RSAD2: variants seen among roughly 807,000 people sequenced by gnomAD.
RSAD2 encodes S-adenosylmethionine-dependent nucleotide dehydratase RSAD2.
Under a neutral mutation model 37.7 loss-of-function variants are expected in RSAD2, and 38 were observed. The observed-to-expected ratio is 1.01, with a 90% CI of 0.78 to 1.32. The LOEUF (loss-of-function observed/expected upper bound fraction) is 1.32, where lower values mean the gene tolerates loss of function less well. Among genes scored for constraint, RSAD2 ranks in the 40% most tolerant of loss-of-function variants. The pLI is 0.00. For synonymous variants in RSAD2, 163 were observed against 157.4 expected (o/e 1.04, Z -0.27); for missense variants, 428 against 437.5 (o/e 0.98, Z 0.19).
chr2:6,878,146 G>GGTGA lies in RSAD2; in HGVS notation c.346+3_346+6dup. 1 of 1,611,802 alleles carries GGTGA rather than the reference G, an allele frequency of 6.2e-7. No individual in the cohort carries two copies. Among genetic ancestry groups the GGTGA allele is most frequent in the Non-Finnish European group, 8.5e-7 (1 of 1,178,840 alleles). On this transcript the variant is annotated frameshift_variant and splice_region_variant. Transcript: ENST00000382040. LOFTEE classifies it high-confidence loss of function. Reference sequence around the variant, plus strand: ...AGGATTGCTTTTGCTTAAGGAAGCTGGTGAGTACATGGTCCTAGACAGAAA... The same window carrying GGTGA: ...AGGATTGCTTTTGCTTAAGGAAGCTGGTGAGTGAGTACATGGTCCTAGACAGAAA...
Position 6,893,663 on chromosome 2 carries a change from C to T in RSAD2, c.889-8C>T, listed in dbSNP as rs1663675980. Reference sequence around the variant, plus strand: ...GAAACTAAATTTGTATTAACTTCTCCTTTGCAGATGAAAGACTCCTACCTT... The same window carrying T: ...GAAACTAAATTTGTATTAACTTCTCTTTTGCAGATGAAAGACTCCTACCTT... On this transcript the variant is annotated splice_polypyrimidine_tract_variant and splice_region_variant and intron_variant, in intron 4 of 5. Coordinates refer to ENST00000382040, the MANE Select transcript of RSAD2 (RefSeq NM_080657.5). The T allele has an allele frequency of 1.9e-6, 3 of 1,605,598 alleles. No individual in the cohort carries two copies. The highest frequency in any genetic ancestry group is 2.2e-5 in the South Asian group (2 of 90,818).
chr2:6,873,570 T>C (rs1324529911), upstream of RSAD2, among the ~76,000 whole-genome samples: 1 of 152,212 alleles, frequency 6.6e-6, no homozygotes, highest in Non-Finnish European at 1.5e-5. Context: ...ATTAGGCTTT[T>C]GATTACTTGG....
rs1319578363 is a variant in RSAD2 at position 6,878,025 on chromosome 2, C to G, written c.225C>G (p.Val75=). ...DPPLPTTPTS[V]NYHFTRQCNY... is the part of the protein sequence containing the mutation. The stretch of plus-strand genomic sequence containing the variant: ...CTCTGCCCACCACCCCAACCAGCGT[C>G]AACTATCACTTCACTCGCCAGTGCA... Residue 75 remains valine, a synonymous_variant, in exon 1 of 6, where the codon GTC becomes GTG. Transcript: ENST00000382040. The G allele has an allele frequency of 1.2e-6, 2 of 1,614,078 alleles. No homozygotes were observed. Among genetic ancestry groups the G allele is most frequent in the African/African-American group, 2.7e-5 (2 of 74,932 alleles).
intron 1 of RSAD2, among the ~76,000 whole-genome samples, chr2:6,869,456 G>A (rs1200529192): frequency 6.6e-6 from 1 of 152,148 alleles, no homozygotes; most frequent in Non-Finnish European, 1.5e-5. Flanking sequence ...TTTTATGCAT[G>A]TAAATACACA....
intron 1 of RSAD2, among the ~76,000 whole-genome samples, chr2:6,867,168 GAT>G (rs1204648198): frequency 6.6e-6 from 1 of 152,120 alleles, no homozygotes; most frequent in Non-Finnish European, 1.5e-5. Flanking sequence ...CACCTCTCTG[GAT>G]GTATTAGTCT....
At chr2:6,893,782 A>G (rs1382554408) in intron 5 of RSAD2, 79 bp downstream of exon 5, 8 of 965,222 alleles carry the variant, frequency 8.3e-6, no homozygotes, top group African/African-American at 3.2e-5. Flanking sequence ...TTCCATGAGC[A>G]TAACTATCTA....
intron 1 of RSAD2, among the ~76,000 whole-genome samples, chr2:6,880,259 A>G (rs990116765): frequency 1.3e-5 from 2 of 152,226 alleles, no homozygotes; most frequent in African/African-American, 4.8e-5. Flanking sequence ...TCCACAGTCA[A>G]GGACAGGTTT....
Position 6,896,437 on chromosome 2 carries a change from A to G in RSAD2, c.*495A>G, listed in dbSNP as rs1209119245. The G allele has an allele frequency of 1.3e-5, 2 of 152,258 alleles. No individual in the cohort carries two copies. Among genetic ancestry groups the G allele is most frequent in the Admixed American group, 6.5e-5 (1 of 15,278 alleles). 9.4% of individuals were successfully genotyped at this position (152,258 alleles called of 1,614,324 possible). A position where few individuals can be genotyped will look rare whatever the true frequency, so the allele number is the denominator to read the frequency against. On this transcript the variant is annotated 3_prime_UTR_variant, in exon 6 of 6. Transcript: ENST00000382040. ...CTTGTTCCAGGTTTGTTCATTTGACAGAGTCAGTATTTTTTGCCAAATATC... is the reference window on the plus strand; with the variant it reads ...CTTGTTCCAGGTTTGTTCATTTGACGGAGTCAGTATTTTTTGCCAAATATC...
chr2:6,874,139 A>G (rs1240821988), upstream of RSAD2, among the ~76,000 whole-genome samples: 9 of 152,068 alleles, frequency 5.9e-5, no homozygotes, highest in African/African-American at 2.2e-4. Flanking sequence ...CTGCCCCAGC[A>G]TCTTTCTCTC....
chr2:6,883,282 T>C, intron 1 of RSAD2, 89 bp from the exon 2 acceptor site: 1 of 1,429,216 alleles, frequency 7.0e-7, no homozygotes. Flanking sequence ...TTTTATTTCT[T>C]TTTTTTACAT....
At chr2:6,883,268 A>G in intron 1 of RSAD2, 103 bp from the exon 2 acceptor site, 1 of 1,316,384 alleles carries the variant, frequency 7.6e-7, no homozygotes, top group Non-Finnish European at 1.0e-6. Context: ...AATTAATGAG[A>G]AAGTTTTATT....
At chr2:6,868,051 G>C (rs1301915617) in intron 1 of RSAD2, among the ~76,000 whole-genome samples, 1 of 152,152 alleles carries the variant, frequency 6.6e-6, no homozygotes, top group Non-Finnish European at 1.5e-5. Context: ...AGGTGGAAAG[G>C]AGAGAAGCTG....
chr2:6,885,622 A>G, intron 2 of RSAD2, among the ~76,000 whole-genome samples: 1 of 152,226 alleles, frequency 6.6e-6, no homozygotes. Context: ...GAGCTTTGGC[A>G]AGGAAAAGCT....
chr2:6,883,324 T>G (rs1248724334), intron 1 of RSAD2, 47 bp from the exon 2 acceptor site: 1 of 1,551,192 alleles, frequency 6.4e-7, no homozygotes, highest in Non-Finnish European at 8.8e-7. Context: ...ATTAAAATAA[T>G]AATGTATATT....
At chr2:6,866,375 C>T (rs1362866122) in intron 1 of RSAD2, 2 of 916,094 alleles carry the variant, frequency 2.2e-6, no homozygotes, top group Non-Finnish European at 2.6e-6. Flanking sequence ...TATCTTATCT[C>T]ACCTGTGCAC....
chr2:6,866,430 G>A lies in RSAD2; in HGVS notation c.142+385G>A, dbSNP rs912720921. On this transcript the variant is annotated intron_variant, in intron 1 of 5. Coordinates refer to the RSAD2 transcript ENST00000442639. ...CTCACCTTTGCACACACTCACCTGT[G>A]CACAAGCTTTTCCCTCTTCTTGGAA... 26 of 985,424 alleles carry A rather than the reference G, an allele frequency of 2.6e-5. No individual in the cohort carries two copies. In the African/African-American group the frequency reaches 4.5e-4, roughly 17 times the overall value. 61.0% of individuals were successfully genotyped at this position (985,424 alleles called of 1,614,324 possible).
rs1663371386 is a variant in RSAD2, at chr2:6,880,217, TAAAG to T, written c.346+2077_346+2080del. Among the ~76,000 whole-genome samples, 3 of 152,152 alleles carry T rather than the reference TAAAG, an allele frequency of 2.0e-5. No homozygotes were observed. The South Asian group carries it at 6.2e-4, about 32-fold the overall frequency. On this transcript the variant is annotated intron_variant, in intron 1 of 5. Transcript: ENST00000382040. ...AAACTATTTTTTTGGTTGTAAGAAT[TAAAG>T]AAAGAGGAAAGAAACACAAAAGGTG...
Position 6,865,909 on chromosome 2 carries a change from C to A in RSAD2, c.6C>A (p.Cys2Ter). ...CCTCTCCTCCTCGCCGCGAGATGTGCGCGATAAACGGCCGGCGCTCGGGAG... is the reference window on the plus strand; with the variant it reads ...CCTCTCCTCCTCGCCGCGAGATGTGAGCGATAAACGGCCGGCGCTCGGGAG... The change falls in exon 1 of 6, where the codon TGC (cysteine) becomes TGA (stop). Residue 2 changes from cysteine (C) to a stop codon, truncating the protein, a stop_gained. Transcript: ENST00000442639. LOFTEE classifies it high-confidence loss of function. 7.1e-7 allele frequency: 1 copy of A among 1,410,366 alleles called. No homozygotes were observed. Among genetic ancestry groups the A allele is most frequent in the Non-Finnish European group, 9.3e-7 (1 of 1,080,572 alleles). The allele number at this position is 1,410,366 out of a possible 1,614,324, so 87.4% of individuals were successfully genotyped here. A position where few individuals can be genotyped will look rare whatever the true frequency, so the allele number is the denominator to read the frequency against.
chr2:6,895,771 T>C lies in RSAD2; in HGVS notation c.922-7T>C, dbSNP rs1371399960. ...AAATATACCAGTTTCTGTTATGAAT[T>C]TTCTAGATGCGCTTTCTGAACTGTA... On this transcript the variant is annotated splice_region_variant and splice_polypyrimidine_tract_variant and intron_variant, in intron 5 of 5. Coordinates refer to ENST00000382040, the MANE Select transcript of RSAD2 (RefSeq NM_080657.5). The C allele has an allele frequency of 6.2e-7, 1 of 1,609,876 alleles. No homozygotes were observed. The highest frequency in any genetic ancestry group is 8.5e-7 in the Non-Finnish European group (1 of 1,177,670).
Sources: allele counts gnomAD v4.1 joint callset (sites outside exome capture counted in the v4.1 genomes callset), GRCh38; gene constraint gnomAD v4.1.1; transcripts MANE v1.5; gene names NCBI Gene and HGNC (gene_info 2026-07-23, HGNC 2026-07-21).